The following CAMKMT variants were observed in gnomAD, a reference collection of about 807,000 sequenced individuals.
The protein encoded by CAMKMT is calmodulin-lysine N-methyltransferase, also known as CaM KMT.
CAMKMT carries 53 observed loss-of-function variants against 48.0 expected under a neutral mutation model. The observed-to-expected ratio is 1.10, with a 90% CI of 0.89 to 1.39. The LOEUF (loss-of-function observed/expected upper bound fraction) is 1.39. Among genes scored for constraint, CAMKMT ranks in the 40% most tolerant of loss-of-function variants. The pLI, the probability that CAMKMT is intolerant of heterozygous loss-of-function variation, is 0.00. For synonymous variants in CAMKMT, 165 were observed against 152.3 expected (o/e 1.08, Z -0.61); for missense variants, 428 against 402.7 (o/e 1.06, Z -0.54).
rs997225226 is a variant in CAMKMT, at chr2:44,362,071, G to A, written c.64G>A (p.Ala22Thr). Residue 22 changes from alanine (A) to threonine (T), a missense_variant, in exon 1 of 11, where the codon GCA (alanine) becomes ACA (threonine). Physicochemically the swap from Ala to Thr is moderately conservative, Grantham distance 58. Transcript: ENST00000378494. Reference sequence around the variant, plus strand: ...CGCGCGAGCAGCGGGCGGGAGTCCGGCAGTTGGCTGCACCACTCGGGGGCC... The same window carrying A: ...CGCGCGAGCAGCGGGCGGGAGTCCGACAGTTGGCTGCACCACTCGGGGGCC... ...ETARAAGGSPAVGCTTRGPVV... is the reference protein window; with the variant it reads ...ETARAAGGSPTVGCTTRGPVV... 6 of 1,445,070 alleles carry A rather than the reference G, an allele frequency of 4.2e-6. No homozygotes were observed. Among genetic ancestry groups the A allele is most frequent in the African/African-American group, 1.5e-5 (1 of 66,186 alleles). The allele number at this position is 1,445,070 out of a possible 1,614,324, so 89.5% of individuals were successfully genotyped here.
At chr2:44,629,215 A>C (rs953288289) in intron 3 of CAMKMT, among the ~76,000 whole-genome samples, 1 of 152,002 alleles carries the variant, frequency 6.6e-6, no homozygotes, top group African/African-American at 2.4e-5. Flanking sequence ...TTGCGTACAT[A>C]TTTATGATTG....
At chr2:44,365,400 T>G (rs1299399986) in intron 1 of CAMKMT, among the ~76,000 whole-genome samples, 1 of 152,156 alleles carries the variant, frequency 6.6e-6, no homozygotes, top group Non-Finnish European at 1.5e-5. Context: ...GTTGCCAAGA[T>G]TTGAGTCAAG....
Position 44,704,938 on chromosome 2 carries a change from GA to G in CAMKMT, c.437+609del, listed in dbSNP as rs201771458. On this transcript the variant is annotated intron_variant, in intron 4 of 10. Transcript: ENST00000378494. ...GATCGAACCCATGGATGGAATTTAG[GA>G]AAAAAAAAAAAAACTTTATTTGAAA... is the stretch of plus-strand genomic sequence containing the variant. Among the ~76,000 whole-genome samples the G allele has an allele frequency of 3.8e-3, 510 of 134,418 alleles. 7 individuals are homozygous for G. The highest frequency in any genetic ancestry group is 0.035 in the East Asian group (164 of 4,750). The allele number at this position is 134,418 out of a possible 152,430, so 88.2% of individuals were successfully genotyped here.
intron 3 of CAMKMT, chr2:44,456,599 C>T: frequency 3.2e-6 from 5 of 1,549,572 alleles, no homozygotes; most frequent in Non-Finnish European, 4.4e-6. Context: ...GAAGATATCA[C>T]CATCAGTAGT....
chr2:44,639,676 G>T (rs985202042), intron 3 of CAMKMT, among the ~76,000 whole-genome samples: 43 of 152,196 alleles, frequency 2.8e-4, no homozygotes, highest in African/African-American at 9.9e-4. Context: ...TTCAGCACCA[G>T]CTCCTATCTT....
intron 1 of CAMKMT, among the ~76,000 whole-genome samples, chr2:44,363,009 GAA>G (rs1194063196): frequency 1.3e-5 from 2 of 152,196 alleles, no homozygotes; most frequent in Non-Finnish European, 2.9e-5. Flanking sequence ...GTTGTGTTTG[GAA>G]AAGAGTTTCC....
At chr2:44,569,848 T>G (rs1374944259) in intron 3 of CAMKMT, among the ~76,000 whole-genome samples, 1 of 152,228 alleles carries the variant, frequency 6.6e-6, no homozygotes, top group Non-Finnish European at 1.5e-5. Flanking sequence ...AGTCTGATGA[T>G]GTGGATTTTA....
intron 8 of CAMKMT, among the ~76,000 whole-genome samples, chr2:44,750,893 A>T (rs1680127634): frequency 6.6e-6 from 1 of 152,134 alleles, no homozygotes; most frequent in South Asian, 2.1e-4. Context: ...CATGTCTGTA[A>T]TCCCAGCTAC....
At chr2:44,469,284 T>A (rs531859420) in intron 3 of CAMKMT, among the ~76,000 whole-genome samples, 6 of 152,064 alleles carry the variant, frequency 3.9e-5, no homozygotes, top group Non-Finnish European at 5.9e-5. Flanking sequence ...AATAATTTTT[T>A]AAAAATTAGC....
intron 3 of CAMKMT, among the ~76,000 whole-genome samples, chr2:44,390,538 G>C (rs1181345392): frequency 6.6e-6 from 1 of 150,622 alleles, no homozygotes; most frequent in Admixed American, 6.6e-5. Flanking sequence ...TGGGGGGGAG[G>C]TGGGGGAGGG....
rs541005483 is a variant in CAMKMT at position 44,488,598 on chromosome 2, A to T, written c.376+98293A>T. ...GCACCTGTGATCCCAGCTACACAGG[A>T]GGCTGAGGTGGGAGGATCACTTGAG... On this transcript the variant is annotated intron_variant, in intron 3 of 10. Transcript: ENST00000378494. Among the ~76,000 whole-genome samples the T allele has an allele frequency of 3.3e-5, 5 of 152,160 alleles. No individual in the cohort carries two copies. The South Asian group carries it at 8.3e-4, about 25-fold the overall frequency.
chr2:44,560,303 A>G (rs1232712835), intron 3 of CAMKMT, among the ~76,000 whole-genome samples: 3 of 152,322 alleles, frequency 2.0e-5, no homozygotes, highest in Admixed American at 6.5e-5. Context: ...TCTTTTAGAG[A>G]TAAGGTCTCA....
intron 3 of CAMKMT, among the ~76,000 whole-genome samples, chr2:44,628,999 A>G (rs987059618): frequency 1.3e-5 from 2 of 152,138 alleles, no homozygotes; most frequent in African/African-American, 4.8e-5. Context: ...CCCTTGTTTG[A>G]GGTCCTGTTT....
intron 3 of CAMKMT, among the ~76,000 whole-genome samples, chr2:44,667,322 C>T (rs1014357579): frequency 3.3e-5 from 5 of 152,190 alleles, no homozygotes; most frequent in Non-Finnish European, 5.9e-5. Flanking sequence ...GATGATATCC[C>T]CATCCGGCTC....
chr2:44,453,995 A>G (rs1032769556), intron 3 of CAMKMT, among the ~76,000 whole-genome samples: 8 of 152,104 alleles, frequency 5.3e-5, no homozygotes, highest in African/African-American at 1.7e-4. Context: ...ACAAAATACC[A>G]TTGAGAGAGA....
At chr2:44,666,469 C>T (rs11890113) in intron 3 of CAMKMT, among the ~76,000 whole-genome samples, 104 of 152,140 alleles carry the variant, frequency 6.8e-4, no homozygotes, top group Non-Finnish European at 1.2e-3. Flanking sequence ...GCCTGGTGTC[C>T]TTAACTTCTC....
At chr2:44,733,269 T>C (rs1051782410) in intron 7 of CAMKMT, among the ~76,000 whole-genome samples, 9 of 152,234 alleles carry the variant, frequency 5.9e-5, no homozygotes, top group Admixed American at 5.9e-4. Flanking sequence ...TTTTATGCTA[T>C]TATAAACAGA....
In CAMKMT at chr2:44,614,558, TAAATA is replaced by T. The variant is rs565662370; in HGVS notation, c.377-89719_377-89715del. On this transcript the variant is annotated intron_variant, in intron 3 of 10. Coordinates refer to ENST00000378494, the MANE Select transcript of CAMKMT (RefSeq NM_024766.5). ...ATGAGCAAGATAAGCAGAACATAAA[TAAATA>T]AAATATAGAGTATAACAGATGGTGA... Among the ~76,000 whole-genome samples, 6 of 152,108 alleles carry T rather than the reference TAAATA, an allele frequency of 3.9e-5. 1 individual carries two copies. In the South Asian group the frequency reaches 8.3e-4, roughly 21 times the overall value.
chr2:44,502,517 C>T (rs1670056226), intron 3 of CAMKMT, among the ~76,000 whole-genome samples: 1 of 152,218 alleles, frequency 6.6e-6, no homozygotes, highest in African/African-American at 2.4e-5. Flanking sequence ...ATGCACTAAT[C>T]ACCATTAAAT....
Sources: allele counts gnomAD v4.1 joint callset (sites outside exome capture counted in the v4.1 genomes callset), GRCh38; gene constraint gnomAD v4.1.1; transcripts MANE v1.5; gene names NCBI Gene and HGNC (gene_info 2026-07-23, HGNC 2026-07-21).